PCDHA1: variants seen among roughly 807,000 people sequenced by gnomAD.
PCDHA1 encodes the protein protocadherin alpha 1.
In PCDHA1, 42 loss-of-function variants were observed where a neutral mutation model predicts 61.3. The ratio of observed to expected loss-of-function variants is 0.69; its 90% confidence interval spans 0.54 to 0.89. The LOEUF is 0.89. Ranked by LOEUF, PCDHA1 falls within the 40% of genes least tolerant of loss-of-function variation. The pLI is 0.00. For synonymous variants in PCDHA1, 610 were observed against 553.8 expected, an observed-to-expected ratio of 1.10 and a Z score of -1.43; for missense variants, 1,256 against 1,235.3, an observed-to-expected ratio of 1.02 and a Z score of -0.25.
At chr5:140,850,396 C>T (rs2150482265) in intron 1 of PCDHA1, 1 of 1,597,978 alleles carries the variant, frequency 6.3e-7, no homozygotes, top group Non-Finnish European at 8.6e-7. Flanking sequence ...ATCAGCACAA[C>T]GCGTGCCCTG....
chr5:140,931,659 G>A (rs1554208521), intron 1 of PCDHA1, among the ~76,000 whole-genome samples: 1 of 151,694 alleles, frequency 6.6e-6, no homozygotes, highest in Non-Finnish European at 1.5e-5. Flanking sequence ...GTTGTGGGCT[G>A]GATATTTCCT....
chr5:140,922,564 A>G (rs556829032), intron 1 of PCDHA1, among the ~76,000 whole-genome samples: 1 of 152,358 alleles, frequency 6.6e-6, no homozygotes, highest in South Asian at 2.1e-4. Context: ...AGTCAGGATG[A>G]CAAGTTGCCC....
Position 141,009,798 on chromosome 5 carries a change from A to G in PCDHA1, c.2714A>G (p.Asn905Ser). Residue 905 changes from asparagine (N) to serine (S), a missense_variant, in exon 4 of 4, where the codon AAC (asparagine) becomes AGC (serine). Physicochemically the swap from Asn to Ser is conservative, Grantham distance 46. Transcript: ENST00000504120. ...AIISIRQEPT[N>S]SQIDKSDFIT... The stretch of plus-strand genomic sequence containing the variant: ...ATCTCCATCCGGCAGGAGCCTACTA[A>G]CAGCCAAATTGACAAAAGTGACTTC... 2 of 1,614,116 alleles carry G rather than the reference A, an allele frequency of 1.2e-6. No homozygotes were observed. Among genetic ancestry groups the G allele is most frequent in the Non-Finnish European group, 1.7e-6 (2 of 1,180,014 alleles).
In PCDHA1 at chr5:140,788,874, G is replaced by T. The variant is rs1032590597; in HGVS notation, c.2394+190G>T. 76 of 1,330,738 alleles carry T rather than the reference G, an allele frequency of 5.7e-5. 1 individual carries two copies. In the South Asian group the frequency reaches 1.6e-3, roughly 28 times the overall value. The allele number at this position is 1,330,738 out of a possible 1,614,324, so 82.4% of individuals were successfully genotyped here. On this transcript the variant is annotated intron_variant, in intron 1 of 3. Coordinates refer to ENST00000504120, the MANE Select transcript of PCDHA1 (RefSeq NM_018900.4). ...ATGGAACTAGAAAGCAAAGAAAAAT[G>T]TAGGGACAAATTGTCGTATTTCTTG...
chr5:141,010,327 G>A lies in PCDHA1; in HGVS notation c.*390G>A. 2 of 1,539,744 alleles carry A rather than the reference G, an allele frequency of 1.3e-6. No individual in the cohort carries two copies. Among genetic ancestry groups the A allele is most frequent in the African/African-American group, 2.8e-5 (2 of 72,602 alleles). ...AAAGTTTTGAGATTGAGCAGCTTGG[G>A]AGTTTGTGGCCACTGGGTATGTGTG... On this transcript the variant is annotated 3_prime_UTR_variant, in exon 4 of 4. Transcript: ENST00000504120.
chr5:140,906,010 C>T (rs1465949058), intron 1 of PCDHA1, among the ~76,000 whole-genome samples: 1 of 152,210 alleles, frequency 6.6e-6, no homozygotes, highest in Admixed American at 6.5e-5. Flanking sequence ...CTAAGCCAGT[C>T]TAATCTCTCC....
At chr5:140,891,100 G>T (rs544877951) in intron 1 of PCDHA1, among the ~76,000 whole-genome samples, 1 of 152,206 alleles carries the variant, frequency 6.6e-6, no homozygotes, top group East Asian at 1.9e-4. Context: ...TTGCTGTCAA[G>T]AATTTAGCTG....
rs1563650230 is a variant in PCDHA1, at chr5:141,000,393, C to CTA, written c.2543-9233_2543-9232insAT. Among the ~76,000 whole-genome samples, 150 of 52,842 alleles carry CTA rather than the reference C, an allele frequency of 2.8e-3. 1 individual carries two copies. The highest frequency in any genetic ancestry group is 4.0e-3 in the Non-Finnish European group (125 of 31,360). 34.7% of individuals were successfully genotyped at this position (52,842 alleles called of 152,430 possible). A position where few individuals can be genotyped will look rare whatever the true frequency, so the allele number is the denominator to read the frequency against. On this transcript the variant is annotated intron_variant, in intron 3 of 3. Coordinates refer to ENST00000504120, the MANE Select transcript of PCDHA1 (RefSeq NM_018900.4). ...TCTCTCTCTCTCTCTCTCTCTCTCT[C>CTA]TCTATATATATATATATATATATAT... is the stretch of plus-strand genomic sequence containing the variant.
chr5:140,961,465 T>C (rs2095614873), intron 1 of PCDHA1, among the ~76,000 whole-genome samples: 2 of 152,218 alleles, frequency 1.3e-5, no homozygotes, highest in Admixed American at 1.3e-4. Context: ...GCTGCCTTTC[T>C]TTTTTTGTCT....
In PCDHA1 at chr5:140,851,659, C is replaced by T; in HGVS notation, c.2394+62975C>T. The T allele has an allele frequency of 2.2e-6, 2 of 912,906 alleles. 1 individual carries two copies. Among genetic ancestry groups the T allele is most frequent in the Non-Finnish European group, 2.7e-6 (2 of 750,030 alleles). 56.6% of individuals were successfully genotyped at this position (912,906 alleles called of 1,614,324 possible). On this transcript the variant is annotated intron_variant, in intron 1 of 3. Coordinates refer to ENST00000504120, the MANE Select transcript of PCDHA1 (RefSeq NM_018900.4). The stretch of plus-strand genomic sequence containing the variant: ...TTCCTTTCTTCAAGAAGACATTCTC[C>T]TTTTAATTGAAATTTTCTCCATTCA...
rs70988781 is a variant in PCDHA1 at position 140,941,319 on chromosome 5, CTT to C, written c.2395-37616_2395-37615del. Among the ~76,000 whole-genome samples, 109 of 104,374 alleles carry C rather than the reference CTT, an allele frequency of 1.0e-3. 2 individuals are homozygous for C. Among genetic ancestry groups the C allele is most frequent in the East Asian group, 2.8e-3 (11 of 3,932 alleles). The allele number at this position is 104,374 out of a possible 152,430, so 68.5% of individuals were successfully genotyped here. A position where few individuals can be genotyped will look rare whatever the true frequency, so the allele number is the denominator to read the frequency against. ...TTCTTTCTTTCTTTTTCTTCTTTCT[CTT>C]TTTTTTTTTTTTTCAGATGGAGTCT... On this transcript the variant is annotated intron_variant, in intron 1 of 3. Coordinates refer to ENST00000504120, the MANE Select transcript of PCDHA1 (RefSeq NM_018900.4).
Position 141,009,665 on chromosome 5 carries a change from G to T in PCDHA1, c.2581G>T (p.Gly861Cys). 6.2e-7 allele frequency: 1 copy of T among 1,614,022 alleles called. No individual in the cohort carries two copies. Among genetic ancestry groups the T allele is most frequent in the Non-Finnish European group, 8.5e-7 (1 of 1,180,006 alleles). The change falls in exon 4 of 4, where the codon GGT becomes TGT. Residue 861 changes from glycine to cysteine, a missense_variant. By Grantham distance (159) the Gly-to-Cys change is radical (BLOSUM62 -3). Transcript: ENST00000504120. The stretch of plus-strand genomic sequence containing the variant: ...AGAAGTGTCCCCTCCAGTCGGTGCG[G>T]GTGTCAACAGCAACAGCTGGACCTT... ...AGEVSPPVGA[G>C]VNSNSWTFKY...
At chr5:140,999,837 A>G (rs2097878885) in intron 3 of PCDHA1, among the ~76,000 whole-genome samples, 2 of 152,206 alleles carry the variant, frequency 1.3e-5, no homozygotes, top group South Asian at 2.1e-4. Flanking sequence ...AAATATGCCA[A>G]GTGTATTTAT....
chr5:140,918,153 C>A (rs1554198452), intron 1 of PCDHA1, among the ~76,000 whole-genome samples: 2 of 152,036 alleles, frequency 1.3e-5, no homozygotes, highest in African/African-American at 2.4e-5. Flanking sequence ...TTGTGTATGT[C>A]TATTGTAAAT....
At chr5:140,831,243 T>A (rs916636850) in intron 1 of PCDHA1, 1 of 152,224 alleles carries the variant, frequency 6.6e-6, no homozygotes, top group Admixed American at 6.6e-5. Context: ...GCATTGCGGC[T>A]CTCTTATTTC....
intron 1 of PCDHA1, among the ~76,000 whole-genome samples, chr5:140,920,841 T>TAAAA (rs781921146): frequency 7.3e-5 from 8 of 109,222 alleles, no homozygotes; most frequent in African/African-American, 1.0e-4. Flanking sequence ...AGACCAAATC[T>TAAAA]AAAAAAAAAA....
intron 1 of PCDHA1, chr5:140,852,478 A>G: frequency 5.0e-6 from 1 of 199,118 alleles, no homozygotes. Flanking sequence ...GGGTTTCATC[A>G]TGTTGGCCAG....
chr5:141,000,395 C>CTCTCTA (rs1213762225), intron 3 of PCDHA1, among the ~76,000 whole-genome samples: 5 of 53,980 alleles, frequency 9.3e-5, no homozygotes, highest in East Asian at 6.1e-4. Flanking sequence ...CTCTCTCTCT[C>CTCTCTA]TATATATATA....
intron 3 of PCDHA1, among the ~76,000 whole-genome samples, chr5:140,991,118 A>T (rs2153893669): frequency 6.6e-6 from 1 of 152,340 alleles, no homozygotes; most frequent in South Asian, 2.1e-4. Context: ...GCTTTCTTAC[A>T]TTCACACAGC....
Sources: gnomAD v4.1 joint callset for allele counts (sites outside exome capture counted in the v4.1 genomes callset) on GRCh38, gnomAD v4.1.1 for gene constraint, MANE v1.5 for transcripts, NCBI Gene and HGNC (gene_info 2026-07-23, HGNC 2026-07-21) for gene names.